TNFAIP8: variants seen among roughly 807,000 people sequenced by gnomAD.
TNFAIP8 encodes tumor necrosis factor alpha-induced protein 8.
Under a neutral mutation model 13.3 loss-of-function variants are expected in TNFAIP8, and 7 were observed. The observed-to-expected ratio is 0.52, with a 90% CI of 0.30 to 0.99. The LOEUF is 0.99. Among genes scored for constraint, TNFAIP8 ranks in the 50% least tolerant of loss-of-function variants. The probability of loss-of-function intolerance (pLI) is 0.07; values close to 1 mark genes in which losing one functional copy is unlikely to be tolerated. For synonymous variants in TNFAIP8, 94 were observed against 87.6 expected, an observed-to-expected ratio of 1.07 and a Z score of -0.41; for missense variants, 258 against 236.9, an observed-to-expected ratio of 1.09 and a Z score of -0.58.
At position 119,396,319 on chromosome 5, in the gene TNFAIP8, A is replaced by C. The variant is rs370170288; in HGVS notation, c.*2938A>C. 2 of 151,612 alleles carry C rather than the reference A, an allele frequency of 1.3e-5. No individual in the cohort carries two copies. The highest frequency in any genetic ancestry group is 3.9e-4 in the East Asian group (2 of 5,160). 9.4% of individuals were successfully genotyped at this position (151,612 alleles called of 1,614,324 possible). ...CTAAAGATCTGTGTAGATGTTGTAC[A>C]AAGACATTTTTCAAAGTTTTCAACA... On this transcript the variant is annotated 3_prime_UTR_variant, in exon 2 of 2. Coordinates refer to ENST00000504771, the MANE Select transcript of TNFAIP8 (RefSeq NM_014350.4).
intron 1 of TNFAIP8, among the ~76,000 whole-genome samples, chr5:119,269,681 C>T (rs1857771): frequency 0.83 from 126,248 of 152,186 alleles, 54,277 homozygotes; most frequent in Non-Finnish European, 0.94. Context: ...GTAGAAAAAG[C>T]AGTATCCCTA....
chr5:119,281,287 T>TACACACACACACACACAC (rs1554167569), intron 1 of TNFAIP8, among the ~76,000 whole-genome samples: 1 of 112,304 alleles, frequency 8.9e-6, no homozygotes, highest in African/African-American at 3.1e-5. Flanking sequence ...CACACACACA[T>TACACACACACACACACAC]ACACACACAC....
intron 1 of TNFAIP8, among the ~76,000 whole-genome samples, chr5:119,376,300 A>G (rs1752278657): frequency 6.6e-6 from 1 of 152,028 alleles, no homozygotes; most frequent in Non-Finnish European, 1.5e-5. Context: ...TTTTTAGTAG[A>G]GATGGGCTTT....
intron 1 of TNFAIP8, among the ~76,000 whole-genome samples, chr5:119,280,130 A>G (rs1031642639): frequency 7.2e-5 from 11 of 152,314 alleles, no homozygotes; most frequent in African/African-American, 2.4e-4. Context: ...GCAAACACCC[A>G]TATATATCAC....
At chr5:119,348,416 G>A (rs1750985176) in intron 1 of TNFAIP8, among the ~76,000 whole-genome samples, 2 of 152,314 alleles carry the variant, frequency 1.3e-5, no homozygotes, top group Admixed American at 1.3e-4. Context: ...ACTGCCCTTA[G>A]ACTTGAATTT....
chr5:119,317,359 A>G (rs1351372557), intron 1 of TNFAIP8, among the ~76,000 whole-genome samples: 1 of 152,118 alleles, frequency 6.6e-6, no homozygotes, highest in African/African-American at 2.4e-5. Context: ...AAATTACAGA[A>G]TGAACCATTT....
At position 119,393,506 on chromosome 5, in the gene TNFAIP8, G is replaced by T. The variant is rs1752981872; in HGVS notation, c.*125G>T. 5.2e-6 allele frequency: 5 copies of T among 960,194 alleles called. No individual in the cohort carries two copies. Among genetic ancestry groups the T allele is most frequent in the African/African-American group, 1.6e-5 (1 of 60,944 alleles). The allele number at this position is 960,194 out of a possible 1,614,324, so 59.5% of individuals were successfully genotyped here. On this transcript the variant is annotated 3_prime_UTR_variant, in exon 2 of 2. Coordinates refer to ENST00000504771, the MANE Select transcript of TNFAIP8 (RefSeq NM_014350.4). ...TTTCAGAAAGACTTTACCCAATTCA[G>T]TTGTCAGACATAATGATTTATTTGA...
chr5:119,365,142 G>A (rs947077681), intron 1 of TNFAIP8, among the ~76,000 whole-genome samples: 1 of 152,012 alleles, frequency 6.6e-6, no homozygotes, highest in East Asian at 1.9e-4. Context: ...GTGAGCCACC[G>A]CACCCAGCCA....
At chr5:119,307,518 A>C (rs145653232) in intron 1 of TNFAIP8, among the ~76,000 whole-genome samples, 3 of 152,010 alleles carry the variant, frequency 2.0e-5, no homozygotes, top group African/African-American at 7.3e-5. Context: ...CTTGTAGAGA[A>C]AAATTTCTGG....
chr5:119,397,928 A>G lies in TNFAIP8; in HGVS notation c.*4547A>G, dbSNP rs1246451965. On this transcript the variant is annotated 3_prime_UTR_variant, in exon 2 of 2. Transcript: ENST00000504771. ...CTGTCTCACCAAAGATGTGTTTTCCACGTAGCAAAGAACATCAGCCCCACG... is the reference window on the plus strand; with the variant it reads ...CTGTCTCACCAAAGATGTGTTTTCCGCGTAGCAAAGAACATCAGCCCCACG... The G allele has an allele frequency of 6.6e-6, 1 of 152,246 alleles. No individual in the cohort carries two copies. The highest frequency in any genetic ancestry group is 6.5e-5 in the Admixed American group (1 of 15,282). 9.4% of individuals were successfully genotyped at this position (152,246 alleles called of 1,614,324 possible). A position where few individuals can be genotyped will look rare whatever the true frequency, so the allele number is the denominator to read the frequency against.
intron 1 of TNFAIP8, among the ~76,000 whole-genome samples, chr5:119,344,505 T>C (rs965555954): frequency 1.3e-5 from 2 of 152,194 alleles, no homozygotes; most frequent in African/African-American, 4.8e-5. Context: ...GAATGGGGCC[T>C]CACCCACAGC....
At chr5:119,305,095 C>T (rs1437710653) in intron 1 of TNFAIP8, among the ~76,000 whole-genome samples, 3 of 150,910 alleles carry the variant, frequency 2.0e-5, no homozygotes, top group Non-Finnish European at 4.4e-5. Context: ...AGTGTAGATT[C>T]CAGTGCTGTG....
At chr5:119,277,480 G>T (rs1252206284) in intron 1 of TNFAIP8, among the ~76,000 whole-genome samples, 1 of 151,978 alleles carries the variant, frequency 6.6e-6, no homozygotes, top group Non-Finnish European at 1.5e-5. Flanking sequence ...GATCCTCTCA[G>T]CTTGTTGTTT....
At position 119,398,606 on chromosome 5, in the gene TNFAIP8, G is replaced by C; in HGVS notation, c.*5225G>C. 6.6e-6 allele frequency: 1 copy of C among 152,166 alleles called. No homozygotes were observed. The highest frequency in any genetic ancestry group is 1.5e-5 in the Non-Finnish European group (1 of 68,074). The allele number at this position is 152,166 out of a possible 1,614,324, so 9.4% of individuals were successfully genotyped here. On this transcript the variant is annotated 3_prime_UTR_variant, in exon 2 of 2. Coordinates refer to ENST00000504771, the MANE Select transcript of TNFAIP8 (RefSeq NM_014350.4). ...GAGGCAGGAGAACCACTTGAACCCA[G>C]GAGGCAGAGGTTGCAGTGAGCCAAG...
At position 119,386,734 on chromosome 5, in the gene TNFAIP8, C is replaced by T. The variant is rs181719154; in HGVS notation, c.32-6082C>T. Among the ~76,000 whole-genome samples the T allele has an allele frequency of 1.6e-3, 243 of 152,304 alleles. 3 individuals carry two copies. The highest frequency in any genetic ancestry group is 2.7e-3 in the East Asian group (14 of 5,190). ...TGCATATACCCCAAAATGTGCATTC[C>T]GTATCAGGTTAAGGACTTCAGATGT... On this transcript the variant is annotated intron_variant, in intron 1 of 1. Coordinates refer to ENST00000504771, the MANE Select transcript of TNFAIP8 (RefSeq NM_014350.4).
chr5:119,298,216 A>G lies in TNFAIP8; in HGVS notation c.1+29309A>G, dbSNP rs368732185. ...CTTCCTAGCCTCGATGGTCTTTACA[A>G]TTTGGCATGATTTTGCAGTGGCTGG... On this transcript the variant is annotated intron_variant, in intron 1 of 1. Transcript: ENST00000274456. 3.6e-3 allele frequency among the ~76,000 whole-genome samples: 552 copies of G among 151,680 alleles called. 1 individual carries two copies. The highest frequency in any genetic ancestry group is 0.012 in the African/African-American group (510 of 41,426).
intron 1 of TNFAIP8, among the ~76,000 whole-genome samples, chr5:119,274,335 T>C (rs1194010921): frequency 6.6e-6 from 1 of 152,260 alleles, no homozygotes; most frequent in East Asian, 1.9e-4. Flanking sequence ...AACTACTCTT[T>C]TATTTTTCCT....
intron 1 of TNFAIP8, among the ~76,000 whole-genome samples, chr5:119,314,788 A>C (rs17145157): frequency 0.021 from 3,168 of 152,350 alleles, 97 homozygotes; most frequent in African/African-American, 0.072. Context: ...GAGGACATTA[A>C]TAGGACCTGC....
At chr5:119,277,615 G>A (rs1423026443) in intron 1 of TNFAIP8, among the ~76,000 whole-genome samples, 1 of 152,146 alleles carries the variant, frequency 6.6e-6, no homozygotes, top group African/African-American at 2.4e-5. Flanking sequence ...GTTTCCAAAT[G>A]CAGTTGCTTT....
Sources: allele counts gnomAD v4.1 joint callset (sites outside exome capture counted in the v4.1 genomes callset), GRCh38; gene constraint gnomAD v4.1.1; transcripts MANE v1.5; gene names NCBI Gene and HGNC (gene_info 2026-07-23, HGNC 2026-07-21).